Variants in TPST1 observed in about 807,000 individuals in gnomAD.
TPST1 encodes the protein tyrosylprotein sulfotransferase 1.
Under a neutral mutation model 34.8 loss-of-function variants are expected in TPST1, and 20 were observed. The observed-to-expected ratio is 0.57, with a 90% CI of 0.40 to 0.84. The LOEUF (loss-of-function observed/expected upper bound fraction) is 0.84. Ranked by LOEUF, TPST1 falls within the 40% of genes least tolerant of loss-of-function variation. TPST1 has a pLI of 0.00. For synonymous variants in TPST1, 152 were observed against 159.4 expected, an observed-to-expected ratio of 0.95 and a Z score of 0.35; for missense variants, 353 against 455.5, an observed-to-expected ratio of 0.78 and a Z score of 2.05.
chr7:66,356,526 C>A (rs1194052804), intron 4 of TPST1, among the ~76,000 whole-genome samples: 2 of 152,236 alleles, frequency 1.3e-5, no homozygotes, highest in Non-Finnish European at 2.9e-5. Flanking sequence ...CATGGTTGGT[C>A]TTTGTGGTGA....
chr7:66,340,125 C>G (rs1171859825), intron 3 of TPST1, among the ~76,000 whole-genome samples: 1 of 151,882 alleles, frequency 6.6e-6, no homozygotes, highest in African/African-American at 2.4e-5. Context: ...CCCTTGAAGT[C>G]AGGAGTTTGA....
chr7:66,312,729 G>A (rs371918444), intron 3 of TPST1, among the ~76,000 whole-genome samples: 7 of 152,026 alleles, frequency 4.6e-5, no homozygotes, highest in Non-Finnish European at 8.8e-5. Context: ...GTGACACTAC[G>A]AAAAATCAAA....
At chr7:66,281,357 A>C (rs549323462) in intron 2 of TPST1, among the ~76,000 whole-genome samples, 1 of 152,192 alleles carries the variant, frequency 6.6e-6, no homozygotes, top group South Asian at 2.1e-4. Context: ...TAAGTTGGCA[A>C]GGAGTCCCTC....
intron 3 of TPST1, among the ~76,000 whole-genome samples, chr7:66,324,103 A>G (rs1256061862): frequency 6.6e-6 from 1 of 152,240 alleles, no homozygotes; most frequent in Non-Finnish European, 1.5e-5. Context: ...ACATGCTACA[A>G]TAAGGATGAA....
intron 3 of TPST1, among the ~76,000 whole-genome samples, chr7:66,347,988 C>T (rs1197375582): frequency 6.6e-6 from 1 of 152,022 alleles, no homozygotes; most frequent in Non-Finnish European, 1.5e-5. Context: ...TGCTGTAAGA[C>T]TTACAGAATG....
At chr7:66,348,817 A>G (rs1792407640) in intron 3 of TPST1, among the ~76,000 whole-genome samples, 1 of 152,232 alleles carries the variant, frequency 6.6e-6, no homozygotes, top group Admixed American at 6.5e-5. Flanking sequence ...CCTGGAGGAT[A>G]CTAAAAGAAG....
chr7:66,321,763 A>G (rs1345297723), intron 3 of TPST1, among the ~76,000 whole-genome samples: 1 of 152,244 alleles, frequency 6.6e-6, no homozygotes, highest in Non-Finnish European at 1.5e-5. Flanking sequence ...TTAATCTTCT[A>G]AAATTGTAAT....
intron 1 of TPST1, among the ~76,000 whole-genome samples, chr7:66,219,503 A>C (rs1345286633): frequency 6.6e-6 from 1 of 152,166 alleles, no homozygotes; most frequent in Non-Finnish European, 1.5e-5. Flanking sequence ...AAAGTGTGCA[A>C]ATATGCATCC....
chr7:66,223,272 C>A (rs1425103346), intron 1 of TPST1, among the ~76,000 whole-genome samples: 1 of 151,616 alleles, frequency 6.6e-6, no homozygotes, highest in Non-Finnish European at 1.5e-5. Context: ...CATAAGGAGG[C>A]CTTGTCTCTA....
intron 2 of TPST1, among the ~76,000 whole-genome samples, chr7:66,253,613 C>T (rs781285547): frequency 7.9e-5 from 12 of 151,636 alleles, no homozygotes; most frequent in Non-Finnish European, 1.3e-4. Flanking sequence ...CCTTGTGATC[C>T]GCCCACCCTG....
At chr7:66,317,351 G>C (rs894549046) in intron 3 of TPST1, among the ~76,000 whole-genome samples, 2 of 152,050 alleles carry the variant, frequency 1.3e-5, no homozygotes, top group African/African-American at 4.8e-5. Flanking sequence ...GCTGTATTCT[G>C]TTGCTCCTTT....
intron 1 of TPST1, among the ~76,000 whole-genome samples, chr7:66,238,217 C>T (rs1258884155): frequency 6.6e-6 from 1 of 152,136 alleles, no homozygotes; most frequent in Admixed American, 6.5e-5. Flanking sequence ...AGAGTTCCTT[C>T]AGACCTCCAA....
intron 3 of TPST1, among the ~76,000 whole-genome samples, chr7:66,336,555 A>G (rs907339769): frequency 6.6e-6 from 1 of 152,208 alleles, no homozygotes; most frequent in African/African-American, 2.4e-5. Context: ...GAAATTACCC[A>G]TTCAGAGGAG....
chr7:66,346,244 T>C (rs944860865), intron 3 of TPST1, among the ~76,000 whole-genome samples: 1 of 152,128 alleles, frequency 6.6e-6, no homozygotes, highest in African/African-American at 2.4e-5. Context: ...GACACTTAGA[T>C]TGATCCCAAA....
rs1244773173 is a variant in TPST1 at position 66,276,378 on chromosome 7, A to ATATATATATATATATATATATATG, written c.846-10130_846-10129insATATATATATATATATATATGTAT. 3.5e-4 allele frequency among the ~76,000 whole-genome samples: 48 copies of ATATATATATATATATATATATATG among 138,836 alleles called. 1 individual carries two copies. Among genetic ancestry groups the ATATATATATATATATATATATATG allele is most frequent in the South Asian group, 3.1e-3 (14 of 4,472 alleles). 91.1% of individuals were successfully genotyped at this position (138,836 alleles called of 152,430 possible). On this transcript the variant is annotated intron_variant, in intron 2 of 5. Coordinates refer to ENST00000304842, the MANE Select transcript of TPST1 (RefSeq NM_003596.4). ...TTAAAAACATTTCATATATATATAT[A>ATATATATATATATATATATATATG]TATGTATTTTTTTGAGGCAGAGCCT...
At chr7:66,354,601 T>C (rs1792546383) in intron 4 of TPST1, among the ~76,000 whole-genome samples, 1 of 150,014 alleles carries the variant, frequency 6.7e-6, no homozygotes, top group Non-Finnish European at 1.5e-5. Flanking sequence ...AGAAAAGGTA[T>C]TTGAGACTAA....
chr7:66,316,491 C>T (rs1408830088), intron 3 of TPST1, among the ~76,000 whole-genome samples: 2 of 152,118 alleles, frequency 1.3e-5, no homozygotes, highest in East Asian at 3.8e-4. Flanking sequence ...TGTTTTGTAT[C>T]ATTGGTCTGT....
At chr7:66,316,907 C>T (rs1791643898) in intron 3 of TPST1, among the ~76,000 whole-genome samples, 1 of 152,202 alleles carries the variant, frequency 6.6e-6, no homozygotes, top group South Asian at 2.1e-4. Context: ...GAACAAGACA[C>T]TGGGGTGTAC....
intron 3 of TPST1, among the ~76,000 whole-genome samples, chr7:66,304,620 C>CT (rs1240396550): frequency 6.6e-6 from 1 of 152,200 alleles, no homozygotes; most frequent in Admixed American, 6.5e-5. Flanking sequence ...CCAGATAAAG[C>CT]TAAATGCTCT....
Sources: gnomAD v4.1 joint callset for allele counts (sites outside exome capture counted in the v4.1 genomes callset) on GRCh38, gnomAD v4.1.1 for gene constraint, MANE v1.5 for transcripts, NCBI Gene and HGNC (gene_info 2026-07-23, HGNC 2026-07-21) for gene names.